Variants in GRIN2A observed in about 807,000 individuals in gnomAD.
The protein encoded by GRIN2A is glutamate ionotropic receptor NMDA type subunit 2A.
A neutral mutation model predicts 113.4 loss-of-function variants in GRIN2A; 22 were observed. That is an observed-to-expected ratio of 0.19 (90% CI 0.14 to 0.28). GRIN2A has a LOEUF of 0.28. Ranked by LOEUF, GRIN2A falls within the 10% of genes least tolerant of loss-of-function variation. The pLI is 1.00. For synonymous variants in GRIN2A, 827 were observed against 738.4 expected (o/e 1.12, Z -1.94); for missense variants, 1,502 against 1,887.0 (o/e 0.80, Z 3.78).
chr16:10,151,775 A>C (rs2049581060), intron 2 of GRIN2A, among the ~76,000 whole-genome samples: 1 of 152,182 alleles, frequency 6.6e-6, no homozygotes, highest in African/African-American at 2.4e-5. Context: ...AAGGCCTCCG[A>C]GTTCGAGGCA....
chr16:10,170,278 G>C (rs1479427395), intron 2 of GRIN2A, among the ~76,000 whole-genome samples: 1 of 152,192 alleles, frequency 6.6e-6, no homozygotes, highest in Non-Finnish European at 1.5e-5. Context: ...TTATGACTAA[G>C]TGAGTTGCAA....
In GRIN2A at chr16:10,039,808, G is replaced by GAGAGAGAGAGAGAGAGAGAGA. The variant is rs373952509; in HGVS notation, c.415-101258_415-101257insTCTCTCTCTCTCTCTCTCTCT. Among the ~76,000 whole-genome samples the GAGAGAGAGAGAGAGAGAGAGA allele has an allele frequency of 6.9e-3, 442 of 63,792 alleles. 17 individuals carry two copies. The highest frequency in any genetic ancestry group is 0.016 in the African/African-American group (210 of 12,786). The allele number at this position is 63,792 out of a possible 152,430, so 41.9% of individuals were successfully genotyped here. A position where few individuals can be genotyped will look rare whatever the true frequency, so the allele number is the denominator to read the frequency against. On this transcript the variant is annotated intron_variant, in intron 2 of 12. Transcript: ENST00000330684. ...AGGGGGAGGGGGAGGGGGAGGGGGG[G>GAGAGAGAGAGAGAGAGAGAGA]GAGAAAGAGAGAGAGAGAGAGAGAG...
intron 2 of GRIN2A, among the ~76,000 whole-genome samples, chr16:9,939,524 G>A (rs917057084): frequency 1.3e-5 from 2 of 152,174 alleles, no homozygotes; most frequent in Admixed American, 1.3e-4. Flanking sequence ...CTACGATTGT[G>A]AGAACAAATT....
At chr16:10,108,475 G>A (rs2048540304) in intron 2 of GRIN2A, among the ~76,000 whole-genome samples, 1 of 152,192 alleles carries the variant, frequency 6.6e-6, no homozygotes, top group Non-Finnish European at 1.5e-5. Context: ...TCTCAGAGAA[G>A]TAATTGCCTC....
chr16:9,765,043 A>G, intron 12 of GRIN2A, 95 bp from the exon 13 acceptor site: 1 of 1,530,502 alleles, frequency 6.5e-7, no homozygotes, highest in South Asian at 1.1e-5. Flanking sequence ...TGAGATTTGC[A>G]CTTCTTGCAG....
intron 2 of GRIN2A, among the ~76,000 whole-genome samples, chr16:10,011,037 C>T (rs895803205): frequency 6.6e-6 from 1 of 152,164 alleles, no homozygotes; most frequent in Non-Finnish European, 1.5e-5. Context: ...CCAAAGTTCC[C>T]AGCCACCAAT....
intron 2 of GRIN2A, among the ~76,000 whole-genome samples, chr16:10,117,802 G>A (rs1055026392): frequency 6.6e-6 from 1 of 152,172 alleles, no homozygotes; most frequent in African/African-American, 2.4e-5. Context: ...AAAATACACA[G>A]GTTCATTCCA....
intron 2 of GRIN2A, among the ~76,000 whole-genome samples, chr16:9,969,040 T>G (rs1044896203): frequency 2.6e-5 from 4 of 152,220 alleles, no homozygotes; most frequent in African/African-American, 7.2e-5. Context: ...TATTTCACAT[T>G]CTTTTTTTTC....
chr16:10,093,744 G>A (rs2048230551), intron 2 of GRIN2A, among the ~76,000 whole-genome samples: 1 of 152,196 alleles, frequency 6.6e-6, no homozygotes, highest in Non-Finnish European at 1.5e-5. Context: ...TAAGAACCAG[G>A]ATACAGTTCC....
At chr16:9,961,562 G>A (rs1321898891) in intron 2 of GRIN2A, among the ~76,000 whole-genome samples, 2 of 152,200 alleles carry the variant, frequency 1.3e-5, no homozygotes, top group Non-Finnish European at 2.9e-5. Context: ...TGGGGTTGGT[G>A]AGAAGGGAGC....
chr16:9,822,978 G>A (rs959324130), intron 9 of GRIN2A, among the ~76,000 whole-genome samples: 2 of 152,116 alleles, frequency 1.3e-5, no homozygotes, highest in African/African-American at 2.4e-5. Flanking sequence ...CACTCCTGCA[G>A]GCACTATTTA....
At chr16:9,783,537 C>T (rs755804525) in intron 11 of GRIN2A, among the ~76,000 whole-genome samples, 1 of 152,206 alleles carries the variant, frequency 6.6e-6, no homozygotes, top group Non-Finnish European at 1.5e-5. Flanking sequence ...ATAGCCTACC[C>T]TCATATCTCC....
At chr16:9,988,824 A>G (rs1181428205) in intron 2 of GRIN2A, among the ~76,000 whole-genome samples, 1 of 152,122 alleles carries the variant, frequency 6.6e-6, no homozygotes, top group Non-Finnish European at 1.5e-5. Flanking sequence ...AGGTCCCTCC[A>G]TGCTCCCACT....
chr16:10,073,347 T>C (rs528948370), intron 2 of GRIN2A, among the ~76,000 whole-genome samples: 7 of 152,304 alleles, frequency 4.6e-5, no homozygotes, highest in Admixed American at 1.3e-4. Flanking sequence ...AAATCATTTA[T>C]AGACTGCAGT....
chr16:10,089,311 T>C (rs959336053), intron 2 of GRIN2A, among the ~76,000 whole-genome samples: 2 of 152,220 alleles, frequency 1.3e-5, no homozygotes, highest in Admixed American at 6.5e-5. Context: ...ATTTTGGTGA[T>C]GGTATCACAG....
At chr16:9,899,286 A>C (rs2043868836) in intron 3 of GRIN2A, among the ~76,000 whole-genome samples, 1 of 151,874 alleles carries the variant, frequency 6.6e-6, no homozygotes, top group Non-Finnish European at 1.5e-5. Context: ...TAAAAATACC[A>C]AAAATTAGCC....
At chr16:10,172,972 T>C (rs2050072183) in intron 2 of GRIN2A, among the ~76,000 whole-genome samples, 1 of 152,132 alleles carries the variant, frequency 6.6e-6, no homozygotes. Flanking sequence ...ACAGTAGCAT[T>C]TTCCATCTGA....
chr16:9,973,354 C>T (rs896439989), intron 2 of GRIN2A, among the ~76,000 whole-genome samples: 1 of 152,156 alleles, frequency 6.6e-6, no homozygotes, highest in African/African-American at 2.4e-5. Context: ...TTGGCCTACA[C>T]CTCCGCCCAG....
intron 2 of GRIN2A, among the ~76,000 whole-genome samples, chr16:10,133,644 C>T (rs1482966046): frequency 6.6e-6 from 1 of 152,098 alleles, no homozygotes; most frequent in Non-Finnish European, 1.5e-5. Context: ...AAATAAATCT[C>T]ATGAGCTCAG....
Sources: gnomAD v4.1 joint callset for allele counts (sites outside exome capture counted in the v4.1 genomes callset) on GRCh38, gnomAD v4.1.1 for gene constraint, MANE v1.5 for transcripts, NCBI Gene and HGNC (gene_info 2026-07-23, HGNC 2026-07-21) for gene names.